Variants in ARHGAP44 observed in about 807,000 individuals in gnomAD.
The protein encoded by ARHGAP44 is Rho GTPase activating protein 44.
Under a neutral mutation model 106.8 loss-of-function variants are expected in ARHGAP44, and 43 were observed. The ratio of observed to expected loss-of-function variants is 0.40; its 90% CI spans 0.32 to 0.52. The LOEUF is 0.52. Ranked by LOEUF, ARHGAP44 falls within the 20% of genes least tolerant of loss-of-function variation. ARHGAP44 has a pLI of 0.48. For synonymous variants in ARHGAP44, 439 were observed against 410.3 expected (o/e 1.07, Z -0.85); for missense variants, 866 against 1,050.5 (o/e 0.82, Z 2.43).
At chr17:12,869,038 G>A (rs1010760439) in intron 1 of ARHGAP44, among the ~76,000 whole-genome samples, 1 of 152,088 alleles carries the variant, frequency 6.6e-6, no homozygotes, top group African/African-American at 2.4e-5. Flanking sequence ...ATATTTAAGG[G>A]TTTGGTATAA....
chr17:12,982,116 C>T (rs1007302062), intron 19 of ARHGAP44, among the ~76,000 whole-genome samples: 5 of 152,146 alleles, frequency 3.3e-5, no homozygotes, highest in Admixed American at 2.0e-4. Context: ...GTAGCAGCCA[C>T]CCAGCCTCCT....
intron 1 of ARHGAP44, among the ~76,000 whole-genome samples, chr17:12,820,718 G>A (rs1427134693): frequency 1.3e-5 from 2 of 152,154 alleles, no homozygotes; most frequent in African/African-American, 4.8e-5. Context: ...AAGAAGACAT[G>A]GCTACCAAAC....
At chr17:12,934,290 G>A (rs1402925687) in intron 7 of ARHGAP44, among the ~76,000 whole-genome samples, 1 of 151,984 alleles carries the variant, frequency 6.6e-6, no homozygotes, top group East Asian at 1.9e-4. Flanking sequence ...AGTCAAACTT[G>A]AGTCTGGGAA....
At chr17:12,818,889 C>T (rs1197099156) in intron 1 of ARHGAP44, among the ~76,000 whole-genome samples, 1 of 152,028 alleles carries the variant, frequency 6.6e-6, no homozygotes, top group Non-Finnish European at 1.5e-5. Context: ...ATCAGAATTT[C>T]AGCAGCGTAT....
intron 6 of ARHGAP44, among the ~76,000 whole-genome samples, chr17:12,923,340 A>G (rs2038140048): frequency 6.6e-6 from 1 of 152,102 alleles, no homozygotes; most frequent in Non-Finnish European, 1.5e-5. Flanking sequence ...CCTCCTGAGT[A>G]GCTGGGATTA....
chr17:12,902,589 T>A (rs2037405593), intron 3 of ARHGAP44, among the ~76,000 whole-genome samples: 1 of 152,136 alleles, frequency 6.6e-6, no homozygotes, highest in South Asian at 2.1e-4. Context: ...TAGATGTGTG[T>A]CATGAATGGA....
intron 7 of ARHGAP44, among the ~76,000 whole-genome samples, chr17:12,931,693 G>A (rs8071688): frequency 0.71 from 106,801 of 151,024 alleles, 37,941 homozygotes; most frequent in African/African-American, 0.75. Context: ...TAGAGACGGG[G>A]TTTCACCATG....
intron 1 of ARHGAP44, among the ~76,000 whole-genome samples, chr17:12,850,090 A>C (rs1456392250): frequency 6.6e-6 from 1 of 152,180 alleles, no homozygotes; most frequent in South Asian, 2.1e-4. Flanking sequence ...ACATATAAAG[A>C]CTTGTCAAAG....
intron 13 of ARHGAP44, 97 bp from the exon 14 acceptor site, chr17:12,955,770 T>G: frequency 7.2e-6 from 5 of 689,786 alleles, no homozygotes; most frequent in Non-Finnish European, 1.0e-5. Context: ...TCCTAGTCAG[T>G]GAGATATGTG....
In ARHGAP44 at chr17:12,980,172, G is replaced by T. The variant is rs769221429; in HGVS notation, c.1878G>T (p.Pro626=). ...CAGGGGCTCAACCTGGAGCTCAGCC[G>T]GGCGCCAGCCCCAGCCCCAGCCAGC... ...TQPGAQPGAQ[P]GASPSPSQPP... Residue 626 remains proline, a synonymous_variant, in exon 19 of 21, where the codon CCG becomes CCT. Transcript: ENST00000379672. 2 of 1,613,090 alleles carry T rather than the reference G, an allele frequency of 1.2e-6. No homozygotes were observed. The highest frequency in any genetic ancestry group is 3.3e-5 in the Admixed American group (2 of 59,974).
chr17:12,956,611 C>T (rs1033997780), intron 14 of ARHGAP44, 44 bp from the exon 15 acceptor site: 2 of 1,569,846 alleles, frequency 1.3e-6, no homozygotes. Context: ...AAGCTTGCCT[C>T]AGCTGCTAAC....
intron 1 of ARHGAP44, among the ~76,000 whole-genome samples, chr17:12,869,090 GAAGA>G (rs1271808432): frequency 1.3e-5 from 2 of 152,172 alleles, no homozygotes; most frequent in African/African-American, 4.8e-5. Context: ...TTATTTTTGA[GAAGA>G]AAGTTTTAAG....
intron 1 of ARHGAP44, among the ~76,000 whole-genome samples, chr17:12,868,591 T>TTATATATATATATA (rs1209692482): frequency 4.1e-3 from 193 of 46,914 alleles, no homozygotes; most frequent in Admixed American, 5.5e-3. Flanking sequence ...TATATGCATT[T>TTATATATATATATA]TATATATATA....
In ARHGAP44 at chr17:12,798,639, A is replaced by T. The variant is rs929669181; in HGVS notation, c.53+8748A>T. Among the ~76,000 whole-genome samples, 5 of 152,158 alleles carry T rather than the reference A, an allele frequency of 3.3e-5. No individual in the cohort carries two copies. In the South Asian group the frequency reaches 1.0e-3, roughly 31 times the overall value. Reference sequence around the variant, plus strand: ...CTATGGTGTGTTCATATTTTTCAATACTGCTTGATTTAATTTGTTATTTAG... The same window carrying T: ...CTATGGTGTGTTCATATTTTTCAATTCTGCTTGATTTAATTTGTTATTTAG... On this transcript the variant is annotated intron_variant, in intron 1 of 20. Coordinates refer to ENST00000379672, the MANE Select transcript of ARHGAP44 (RefSeq NM_014859.6).
chr17:12,873,951 A>AAATAAATG (rs1296875833), intron 1 of ARHGAP44, among the ~76,000 whole-genome samples: 1 of 126,048 alleles, frequency 7.9e-6, no homozygotes, highest in African/African-American at 3.4e-5. Context: ...ATAAATAAAT[A>AAATAAATG]AAAGAAAGAA....
At chr17:12,955,813 G>C in intron 13 of ARHGAP44, 54 bp from the exon 14 acceptor site, 1 of 1,110,410 alleles carries the variant, frequency 9.0e-7, no homozygotes, top group South Asian at 1.3e-5. Flanking sequence ...GTCCCCGGGG[G>C]ACATGGCTGG....
In ARHGAP44 at chr17:12,948,723, T is replaced by TACACACAC. The variant is rs71369353; in HGVS notation, c.862-396_862-389dup. Among the ~76,000 whole-genome samples the TACACACAC allele has an allele frequency of 2.7e-4, 8 of 29,310 alleles. 1 individual carries two copies. Among genetic ancestry groups the TACACACAC allele is most frequent in the Admixed American group, 2.1e-3 (5 of 2,424 alleles). 19.2% of individuals were successfully genotyped at this position (29,310 alleles called of 152,430 possible). Reference sequence around the variant, plus strand: ...TAGCCCTGGTTCCTCCCAACACACATACACACACACACACACACACACACA... The same window carrying TACACACAC: ...TAGCCCTGGTTCCTCCCAACACACATACACACACACACACACACACACACACACACACA... On this transcript the variant is annotated intron_variant, in intron 10 of 20. Coordinates refer to ENST00000379672, the MANE Select transcript of ARHGAP44 (RefSeq NM_014859.6).
intron 1 of ARHGAP44, among the ~76,000 whole-genome samples, chr17:12,840,320 G>A (rs1018345994): frequency 2.0e-5 from 3 of 152,150 alleles, no homozygotes; most frequent in Admixed American, 1.3e-4. Flanking sequence ...CTATGCTTCT[G>A]GCTTGGTCAT....
rs1193126577 is a variant in ARHGAP44, at chr17:12,903,831, A to G, written c.199-5066A>G. On this transcript the variant is annotated intron_variant, in intron 3 of 20. Transcript: ENST00000379672. ...AAGACTGGATATCATTATACTTGAA[A>G]TGGGGGCGACCAAAGTTTGAGGGAG... Among the ~76,000 whole-genome samples, 4 of 152,144 alleles carry G rather than the reference A, an allele frequency of 2.6e-5. No homozygotes were observed. The East Asian group carries it at 7.7e-4, about 29-fold the overall frequency.
Sources: gnomAD v4.1 joint callset for allele counts (sites outside exome capture counted in the v4.1 genomes callset) on GRCh38, gnomAD v4.1.1 for gene constraint, MANE v1.5 for transcripts, NCBI Gene and HGNC (gene_info 2026-07-23, HGNC 2026-07-21) for gene names.